The following MTCL2 variants were observed in gnomAD, a reference collection of about 807,000 sequenced individuals.
The protein encoded by MTCL2 is microtubule crosslinking factor 2.
chr20:36,777,902 G>C, the MTCL2 span: 1 of 607,220 alleles, frequency 1.6e-6, no homozygotes, highest in Non-Finnish European at 2.9e-6. Context: ...GGGGTTGGGA[G>C]GAGGAGGAAC....
the MTCL2 span, chr20:36,805,840 G>A: frequency 6.3e-7 from 1 of 1,597,484 alleles, no homozygotes; most frequent in Non-Finnish European, 8.5e-7. Flanking sequence ...CCGGGAAGGG[G>A]CTGGAAACAC....
chr20:36,829,892 G>A, the MTCL2 span, among the ~76,000 whole-genome samples: 3 of 152,076 alleles, frequency 2.0e-5, no homozygotes, highest in East Asian at 3.9e-4. Context: ...CCAGCACTTT[G>A]GGAGGCTGAA....
At chr20:36,808,152 G>C in the MTCL2 span, among the ~76,000 whole-genome samples, 2 of 151,464 alleles carry the variant, frequency 1.3e-5, no homozygotes, top group Non-Finnish European at 2.9e-5. Context: ...TGGGATTACA[G>C]GTGTGAGCCA....
At chr20:36,811,854 G>A in the MTCL2 span, among the ~76,000 whole-genome samples, 1 of 152,074 alleles carries the variant, frequency 6.6e-6, no homozygotes, top group Non-Finnish European at 1.5e-5. Context: ...TGCTCAGGCT[G>A]GAAAATACAT....
chr20:36,786,779 A>G, the MTCL2 span: 1 of 718,632 alleles, frequency 1.4e-6, no homozygotes, highest in Admixed American at 2.9e-5. Flanking sequence ...CACTGGACCA[A>G]TTTTTTCTTT....
the MTCL2 span, among the ~76,000 whole-genome samples, chr20:36,822,062 C>T: frequency 6.6e-6 from 1 of 152,256 alleles, no homozygotes; most frequent in Non-Finnish European, 1.5e-5. Flanking sequence ...GGACCTGACA[C>T]TTCCCCCACC....
At chr20:36,799,606 C>T in the MTCL2 span, among the ~76,000 whole-genome samples, 1 of 152,108 alleles carries the variant, frequency 6.6e-6, no homozygotes, top group Admixed American at 6.6e-5. Flanking sequence ...TCACTTGAGC[C>T]TGGGAGGCGG....
At chr20:36,805,299 T>C in the MTCL2 span, among the ~76,000 whole-genome samples, 9,443 of 152,170 alleles carry the variant, frequency 0.062, 1,022 homozygotes, top group African/African-American at 0.22. Context: ...GTTTGCCTGA[T>C]TCTGTCCCAA....
chr20:36,792,899 G>A, the MTCL2 span, among the ~76,000 whole-genome samples: 11 of 149,660 alleles, frequency 7.3e-5, no homozygotes, highest in African/African-American at 2.7e-4. Context: ...CAGACAGACA[G>A]ATAGATAATT....
the MTCL2 span, among the ~76,000 whole-genome samples, chr20:36,804,408 A>T: frequency 1.3e-5 from 2 of 152,202 alleles, no homozygotes; most frequent in Non-Finnish European, 2.9e-5. Context: ...AAATAGAGCC[A>T]GGCAGTTGGG....
chr20:36,790,594 C>G, the MTCL2 span, among the ~76,000 whole-genome samples: 13 of 151,776 alleles, frequency 8.6e-5, no homozygotes, highest in Non-Finnish European at 1.9e-4. Flanking sequence ...GCTGCCACGC[C>G]TGGCTAATTT....
chr20:36,801,781 C>T, the MTCL2 span, among the ~76,000 whole-genome samples: 1 of 151,702 alleles, frequency 6.6e-6, no homozygotes, highest in African/African-American at 2.4e-5. Flanking sequence ...GCCTGGCCAA[C>T]ATGGTGAACC....
the MTCL2 span, among the ~76,000 whole-genome samples, chr20:36,834,162 C>CAAAAAAAA: frequency 2.0e-5 from 2 of 100,684 alleles, no homozygotes; most frequent in Non-Finnish European, 1.9e-5. Context: ...GACTTCATCT[C>CAAAAAAAA]AAAAAAAAAA....
the MTCL2 span, among the ~76,000 whole-genome samples, chr20:36,792,849 T>TAGACAGAC: frequency 2.0e-5 from 3 of 146,522 alleles, no homozygotes; most frequent in Admixed American, 1.4e-4. Flanking sequence ...GATAGATAGA[T>TAGACAGAC]AGATAGATAG....
the MTCL2 span, among the ~76,000 whole-genome samples, chr20:36,844,081 T>A: frequency 9.3e-5 from 14 of 150,924 alleles, no homozygotes; most frequent in Admixed American, 9.3e-4. Flanking sequence ...ACTAAAAATA[T>A]AAGAATTAGC....
the MTCL2 span, chr20:36,859,914 G>A: frequency 2.4e-6 from 3 of 1,230,890 alleles, no homozygotes; most frequent in Non-Finnish European, 3.0e-6. Context: ...TGGCAGCCTA[G>A]CGACCCTGCT....
the MTCL2 span, among the ~76,000 whole-genome samples, chr20:36,823,573 G>A: frequency 3.3e-5 from 5 of 152,166 alleles, no homozygotes; most frequent in Admixed American, 1.3e-4. Context: ...TTGGGAAGCT[G>A]AGAAGGGCAG....
chr20:36,786,237 C>T, the MTCL2 span: 3 of 1,165,226 alleles, frequency 2.6e-6, no homozygotes, highest in Admixed American at 3.9e-5. Context: ...CTTGGGAAGC[C>T]CAGGTTTGGT....
the MTCL2 span, among the ~76,000 whole-genome samples, chr20:36,854,522 G>T: frequency 1.3e-5 from 2 of 152,154 alleles, no homozygotes; most frequent in African/African-American, 2.4e-5. Context: ...ACGGGACAGA[G>T]GCCGGGGTGT....
Sources: gnomAD v4.1 joint callset for allele counts (sites outside exome capture counted in the v4.1 genomes callset) on GRCh38, gnomAD v4.1.1 for gene constraint, MANE v1.5 for transcripts, NCBI Gene and HGNC (gene_info 2026-07-23, HGNC 2026-07-21) for gene names.